Variants in VPS13A observed in about 807,000 individuals in gnomAD.
VPS13A encodes vacuolar protein sorting 13 homolog A, also known as intermembrane lipid transfer protein VPS13A.
A neutral mutation model predicts 390.9 loss-of-function variants in VPS13A; 264 were observed. The observed-to-expected ratio is 0.68, with a 90% CI of 0.61 to 0.75. The LOEUF is 0.75. Ranked by LOEUF, VPS13A falls within the 30% of genes least tolerant of loss-of-function variation. The pLI is 0.00. For synonymous variants in VPS13A, 1,231 were observed against 1,227.1 expected, an observed-to-expected ratio of 1.00 and a Z score of -0.07; for missense variants, 3,409 against 3,733.9, an observed-to-expected ratio of 0.91 and a Z score of 2.27.
chr9:77,253,345 A>T (rs888423826), intron 22 of VPS13A, among the ~76,000 whole-genome samples: 1 of 151,984 alleles, frequency 6.6e-6, no homozygotes, highest in Non-Finnish European at 1.5e-5. Flanking sequence ...TCCCTCTGTC[A>T]CCCAGGCTGG....
At chr9:77,321,021 T>C in intron 42 of VPS13A, 148 bp from the exon 43 acceptor site, 1 of 696,826 alleles carries the variant, frequency 1.4e-6, no homozygotes, top group Non-Finnish European at 2.4e-6. Context: ...AGTTGGCTGA[T>C]GTCCAAGTAA....
chr9:77,221,116 A>G, intron 12 of VPS13A, 69 bp from the exon 13 acceptor site: 1 of 1,430,318 alleles, frequency 7.0e-7, no homozygotes. Context: ...TTGTTAGAGT[A>G]GAAGCAATGT....
rs1246607585 is a variant in VPS13A at position 77,417,644 on chromosome 9, A to C, written c.*1638A>C. 1 of 152,234 alleles carries C rather than the reference A, an allele frequency of 6.6e-6. No homozygotes were observed. Among genetic ancestry groups the C allele is most frequent in the East Asian group, 1.9e-4 (1 of 5,204 alleles). The allele number at this position is 152,234 out of a possible 1,614,324, so 9.4% of individuals were successfully genotyped here. ...CAGTAGAGGTAGTCAGAAAGCTTGC[A>C]TCAGACTGTCCTCATCCAAAACGAA... On this transcript the variant is annotated 3_prime_UTR_variant, in exon 72 of 72. Transcript: ENST00000360280.
chr9:77,198,199 C>T (rs554301540), intron 1 of VPS13A, among the ~76,000 whole-genome samples: 7 of 151,984 alleles, frequency 4.6e-5, no homozygotes, highest in Non-Finnish European at 7.4e-5. Flanking sequence ...TTGAGGGGCC[C>T]GGAATTGGAT....
At chr9:77,269,293 G>A (rs1311268992) in intron 23 of VPS13A, among the ~76,000 whole-genome samples, 2 of 151,952 alleles carry the variant, frequency 1.3e-5, no homozygotes, top group Non-Finnish European at 2.9e-5. Flanking sequence ...TCTGCACTTA[G>A]TTATTTCCAT....
intron 26 of VPS13A, among the ~76,000 whole-genome samples, chr9:77,276,798 A>G (rs1262527740): frequency 6.6e-6 from 1 of 152,170 alleles, no homozygotes; most frequent in Non-Finnish European, 1.5e-5. Flanking sequence ...AAGGCATCAG[A>G]TCCTCCTCAT....
Position 77,360,595 on chromosome 9 carries a change from C to T in VPS13A, c.8165C>T (p.Ala2722Val). 6.2e-7 allele frequency: 1 copy of T among 1,613,006 alleles called. No homozygotes were observed. Among genetic ancestry groups the T allele is most frequent in the Non-Finnish European group, 8.5e-7 (1 of 1,179,430 alleles). Residue 2722 changes from alanine to valine, a missense_variant, in exon 59 of 72, where the codon GCT becomes GTT. Around this residue, in one of 5 missense-constraint regions of VPS13A, gnomAD observed 221 missense variants for 300.7 expected, o/e 0.73. Coordinates refer to ENST00000360280, the MANE Select transcript of VPS13A (RefSeq NM_033305.3). ...DLRLDLGFIY[A>V]LTDLMTEAEV... is the part of the protein sequence containing the mutation. ...AGGTTAGATCTTGGGTTTATCTATG[C>T]TTTAACAGACCTTATGACAGAAGCT...
intron 1 of VPS13A, among the ~76,000 whole-genome samples, chr9:77,179,686 CG>C (rs1314035275): frequency 1.5e-3 from 214 of 141,152 alleles, no homozygotes; most frequent in African/African-American, 5.1e-3. Context: ...TTGGGTTGTA[CG>C]TTTTTTTTTT....
rs1051397652 is a variant in VPS13A at position 77,199,922 on chromosome 9, A to G, written c.101-23A>G. On this transcript the variant is annotated intron_variant, in intron 1 of 71. Coordinates refer to ENST00000360280, the MANE Select transcript of VPS13A (RefSeq NM_033305.3). ...AAATGAAAAATATTTGATTGTTTGA[A>G]TCTTTTTTTTAATCTTTTTTAGGAG... 2.5e-6 allele frequency: 4 copies of G among 1,583,840 alleles called. No homozygotes were observed. The African/African-American group carries it at 5.4e-5, about 22-fold the overall frequency.
At chr9:77,265,917 C>T in intron 23 of VPS13A, among the ~76,000 whole-genome samples, 1 of 152,172 alleles carries the variant, frequency 6.6e-6, no homozygotes, top group East Asian at 1.9e-4. Context: ...ATCTTTCCCG[C>T]TTTCTCCTGT....
Position 77,273,439 on chromosome 9 carries a change from A to G in VPS13A, c.2512+75A>G. 3.3e-6 allele frequency: 4 copies of G among 1,229,772 alleles called. No individual in the cohort carries two copies. The South Asian group carries it at 5.6e-5, about 17-fold the overall frequency. The allele number at this position is 1,229,772 out of a possible 1,614,324, so 76.2% of individuals were successfully genotyped here. A position where few individuals can be genotyped will look rare whatever the true frequency, so the allele number is the denominator to read the frequency against. On this transcript the variant is annotated intron_variant, in intron 24 of 71. Coordinates refer to ENST00000360280, the MANE Select transcript of VPS13A (RefSeq NM_033305.3). ...TCTGTTTTGAGGCATATTTTTCTCA[A>G]AGGACCACACAGAGGAAGGAAAATA... is the stretch of plus-strand genomic sequence containing the variant.
intron 17 of VPS13A, among the ~76,000 whole-genome samples, chr9:77,230,583 C>A (rs1823773560): frequency 6.6e-6 from 1 of 152,054 alleles, no homozygotes; most frequent in Non-Finnish European, 1.5e-5. Flanking sequence ...TCCCATTGTT[C>A]TATATGTCTA....
intron 22 of VPS13A, among the ~76,000 whole-genome samples, chr9:77,257,948 T>C (rs1825544276): frequency 6.6e-6 from 1 of 152,204 alleles, no homozygotes; most frequent in Admixed American, 6.5e-5. Context: ...AGAAAATAAA[T>C]AGTAGAGTTA....
intron 13 of VPS13A, among the ~76,000 whole-genome samples, chr9:77,223,877 C>T (rs937994985): frequency 2.0e-5 from 3 of 152,148 alleles, no homozygotes; most frequent in African/African-American, 7.2e-5. Context: ...CTGAACTCTC[C>T]TAGCTAGAGT....
At chr9:77,384,602 G>A in intron 68 of VPS13A, 1 of 1,611,078 alleles carries the variant, frequency 6.2e-7, no homozygotes, top group Non-Finnish European at 8.5e-7. Flanking sequence ...AATTCTACAG[G>A]GAGTGGATTA....
intron 3 of VPS13A, among the ~76,000 whole-genome samples, chr9:77,202,815 T>C (rs912585552): frequency 3.3e-5 from 5 of 152,304 alleles, no homozygotes; most frequent in Admixed American, 2.0e-4. Context: ...TACACTGAAC[T>C]AAACCCAAGA....
chr9:77,319,945 C>T (rs368101332), intron 42 of VPS13A, among the ~76,000 whole-genome samples: 2 of 152,122 alleles, frequency 1.3e-5, no homozygotes, highest in African/African-American at 2.4e-5. Flanking sequence ...CAGGTTGTCT[C>T]ATCATGAGCC....
chr9:77,374,821 A>T (rs987878477), intron 67 of VPS13A, among the ~76,000 whole-genome samples: 6 of 152,160 alleles, frequency 3.9e-5, no homozygotes, highest in Middle Eastern at 3.2e-3. Flanking sequence ...GATAAAATTA[A>T]TGTTAATTAG....
chr9:77,390,690 T>G (rs1249102090), intron 68 of VPS13A, among the ~76,000 whole-genome samples: 1 of 135,328 alleles, frequency 7.4e-6, no homozygotes, highest in African/African-American at 2.7e-5. Flanking sequence ...TGTTGTTGTT[T>G]GTTGTTGAGA....
Sources: gnomAD v4.1 joint callset for allele counts (sites outside exome capture counted in the v4.1 genomes callset) on GRCh38, gnomAD v4.1.1 for gene constraint, gnomAD v4.1.1 regional missense constraint, MANE v1.5 for transcripts, NCBI Gene and HGNC (gene_info 2026-07-23, HGNC 2026-07-21) for gene names.